The following TVP23A variants were observed in gnomAD, a reference collection of about 807,000 sequenced individuals.
The protein encoded by TVP23A is Golgi apparatus membrane protein TVP23 homolog A.
In TVP23A, 21 loss-of-function variants were observed where a neutral mutation model predicts 31.7. The ratio of observed to expected loss-of-function variants is 0.66; its 90% CI spans 0.47 to 0.95. TVP23A has a LOEUF of 0.95. TVP23A is among the 40% of genes least tolerant of loss of function. The probability of loss-of-function intolerance (pLI) is 0.00; values close to 1 mark genes in which losing one functional copy is unlikely to be tolerated. For synonymous variants in TVP23A, 104 were observed against 96.0 expected, an observed-to-expected ratio of 1.08 and a Z score of -0.49; for missense variants, 279 against 255.6, an observed-to-expected ratio of 1.09 and a Z score of -0.62.
chr16:10,789,299 TC>T (rs1199446430), intron 2 of TVP23A, among the ~76,000 whole-genome samples: 1 of 151,518 alleles, frequency 6.6e-6, no homozygotes, highest in Non-Finnish European at 1.5e-5. Flanking sequence ...AGTGCAGAAT[TC>T]CCCCCCAAGA....
intron 2 of TVP23A, among the ~76,000 whole-genome samples, chr16:10,799,504 T>C (rs924869430): frequency 1.3e-5 from 2 of 152,164 alleles, no homozygotes; most frequent in African/African-American, 2.4e-5. Flanking sequence ...TGACTAATTT[T>C]TGTAGTTTTA....
intron 2 of TVP23A, among the ~76,000 whole-genome samples, chr16:10,811,593 AACAC>A (rs372503368): frequency 6.6e-6 from 1 of 150,848 alleles, no homozygotes; most frequent in Non-Finnish European, 1.5e-5. Context: ...TATTAAATTA[AACAC>A]ACACACACAC....
intron 4 of TVP23A, among the ~76,000 whole-genome samples, chr16:10,773,816 C>T (rs891007258): frequency 1.6e-4 from 25 of 152,174 alleles, no homozygotes; most frequent in African/African-American, 5.1e-4. Context: ...AGTGATCCAC[C>T]CACCTCCGCC....
chr16:10,813,999 CAAAAAAA>C (rs201277067), intron 2 of TVP23A, among the ~76,000 whole-genome samples: 22 of 49,526 alleles, frequency 4.4e-4, no homozygotes, highest in Admixed American at 2.1e-3. Flanking sequence ...AACTCCATCT[CAAAAAAA>C]AAAAAAAAAA....
intron 2 of TVP23A, among the ~76,000 whole-genome samples, chr16:10,809,827 A>C (rs1050727916): frequency 1.2e-4 from 18 of 152,202 alleles, no homozygotes; most frequent in African/African-American, 4.3e-4. Context: ...GCTGGTCTGC[A>C]ACACAGCACG....
chr16:10,787,920 G>A (rs1441387719), intron 2 of TVP23A, among the ~76,000 whole-genome samples: 1 of 152,110 alleles, frequency 6.6e-6, no homozygotes, highest in African/African-American at 2.4e-5. Context: ...GATGCCGGAG[G>A]CTTTCAACTA....
chr16:10,775,299 GT>G (rs2031931138), intron 2 of TVP23A: 11 of 1,396,244 alleles, frequency 7.9e-6, no homozygotes, highest in South Asian at 1.6e-5. Context: ...TGCTGACACT[GT>G]TTTTTTTCCT....
intron 2 of TVP23A, among the ~76,000 whole-genome samples, chr16:10,797,175 C>T (rs931557451): frequency 6.7e-6 from 1 of 148,746 alleles, no homozygotes; most frequent in Admixed American, 6.7e-5. Flanking sequence ...GGTGACAGAA[C>T]AAGACCCTGT....
intron 2 of TVP23A, among the ~76,000 whole-genome samples, chr16:10,778,267 G>C (rs1310327795): frequency 6.6e-6 from 1 of 152,158 alleles, no homozygotes; most frequent in Non-Finnish European, 1.5e-5. Context: ...CTGGGAGGTG[G>C]AGGTTGCAGT....
intron 3 of TVP23A, among the ~76,000 whole-genome samples, chr16:10,774,606 CTT>C (rs397713093): frequency 3.1e-5 from 4 of 130,232 alleles, no homozygotes; most frequent in Non-Finnish European, 4.9e-5. Flanking sequence ...CATTCTCTCT[CTT>C]TTTTTTTTTT....
Position 10,818,190 on chromosome 16 carries a change from G to A in TVP23A, c.10-8C>T. 4 of 1,600,134 alleles carry A rather than the reference G, an allele frequency of 2.5e-6. No homozygotes were observed. The highest frequency in any genetic ancestry group is 3.4e-6 in the Non-Finnish European group (4 of 1,173,438). ...GGTATCGTCCACCAGGGCCTGGGAGGAGAGCAAGGGCAGGTGGCAGGCCCA... is the reference window on the plus strand; with the variant it reads ...GGTATCGTCCACCAGGGCCTGGGAGAAGAGCAAGGGCAGGTGGCAGGCCCA... On this transcript the variant is annotated splice_polypyrimidine_tract_variant and splice_region_variant and intron_variant, in intron 1 of 7. Coordinates refer to ENST00000299866, the MANE Select transcript of TVP23A (RefSeq NM_001079512.4). The surrounding 1 kb of genome is among the most constrained non-coding windows in gnomAD (Gnocchi z 4.7).
intron 2 of TVP23A, among the ~76,000 whole-genome samples, chr16:10,810,352 C>A (rs2034139007): frequency 1.3e-5 from 2 of 151,970 alleles, no homozygotes; most frequent in South Asian, 4.1e-4. Context: ...AGCTCAAGAC[C>A]AGCCTGGGCA....
intron 7 of TVP23A, 64 bp downstream of exon 7, chr16:10,770,208 C>A: frequency 6.5e-7 from 1 of 1,542,618 alleles, no homozygotes; most frequent in Non-Finnish European, 8.7e-7. Flanking sequence ...CCCCTGTGCC[C>A]CAAGAGCTGC....
chr16:10,772,342 T>G (rs2031687555), intron 5 of TVP23A, among the ~76,000 whole-genome samples: 1 of 152,120 alleles, frequency 6.6e-6, no homozygotes, highest in Non-Finnish European at 1.5e-5. Context: ...CACTGTTGTT[T>G]TACTATCTAC....
At chr16:10,799,656 A>C (rs1368522378) in intron 2 of TVP23A, among the ~76,000 whole-genome samples, 1 of 152,194 alleles carries the variant, frequency 6.6e-6, no homozygotes, top group Non-Finnish European at 1.5e-5. Context: ...TTAACTCTGC[A>C]TAAGGTATGT....
chr16:10,770,848 G>A (rs2031547496), intron 6 of TVP23A, among the ~76,000 whole-genome samples: 1 of 123,980 alleles, frequency 8.1e-6, no homozygotes, highest in Non-Finnish European at 1.6e-5. Flanking sequence ...CAGCCTGGGA[G>A]CAGAGTGAGA....
At position 10,767,885 on chromosome 16, in the gene TVP23A, A is replaced by C. The variant is rs2031133181; in HGVS notation, c.*1217T>G. 14 of 1,461,114 alleles carry C rather than the reference A, an allele frequency of 9.6e-6. No individual in the cohort carries two copies. The highest frequency in any genetic ancestry group is 1.3e-5 in the Non-Finnish European group (14 of 1,041,344). The allele number at this position is 1,461,114 out of a possible 1,614,324, so 90.5% of individuals were successfully genotyped here. On this transcript the variant is annotated 3_prime_UTR_variant, in exon 8 of 8. Coordinates refer to ENST00000299866, the MANE Select transcript of TVP23A (RefSeq NM_001079512.4). The surrounding 1 kb of genome is among the most constrained non-coding windows in gnomAD (Gnocchi z 4.6). ...TGTCACCAGCACGGAAAGAGCCCCA[A>C]GATCTTGTGGCCATTCTGTTTTCCT...
chr16:10,798,769 T>C (rs1031472025), intron 2 of TVP23A, among the ~76,000 whole-genome samples: 5 of 152,150 alleles, frequency 3.3e-5, no homozygotes, highest in African/African-American at 1.2e-4. Context: ...GTTCAAGTGA[T>C]TCTCCTGCCT....
intron 2 of TVP23A, among the ~76,000 whole-genome samples, chr16:10,783,393 T>C (rs73497716): frequency 0.036 from 5,445 of 152,174 alleles, 318 homozygotes; most frequent in African/African-American, 0.12. Flanking sequence ...GTCCTTCAAT[T>C]GGCCAGGTGT....
Sources: gnomAD v4.1 joint callset for allele counts (sites outside exome capture counted in the v4.1 genomes callset) on GRCh38, gnomAD v4.1.1 for gene constraint, Gnocchi (gnomAD v3.1) non-coding constraint, MANE v1.5 for transcripts, NCBI Gene and HGNC (gene_info 2026-07-23, HGNC 2026-07-21) for gene names.